KIAA1549: variants seen among roughly 807,000 people sequenced by gnomAD.
KIAA1549 encodes UPF0606 protein KIAA1549.
In KIAA1549, 70 loss-of-function variants were observed where a neutral mutation model predicts 156.4. That is an observed-to-expected ratio of 0.45 (90% CI 0.37 to 0.55). The LOEUF is 0.55. Ranked by LOEUF, KIAA1549 falls within the 20% of genes least tolerant of loss-of-function variation. The pLI is 0.00. For synonymous variants in KIAA1549, 1,103 were observed against 1,066.4 expected (o/e 1.03, Z -0.67); for missense variants, 2,428 against 2,540.9 (o/e 0.96, Z 0.96).
At chr7:138,875,584 G>A (rs919991841) in intron 12 of KIAA1549, among the ~76,000 whole-genome samples, 6 of 152,168 alleles carry the variant, frequency 3.9e-5, no homozygotes, top group Non-Finnish European at 7.3e-5. Flanking sequence ...GGTCAAGGCT[G>A]CAGTGAGCTG....
intron 1 of KIAA1549, among the ~76,000 whole-genome samples, chr7:138,952,204 G>A (rs927201847): frequency 1.3e-5 from 2 of 152,184 alleles, no homozygotes; most frequent in South Asian, 4.1e-4. Context: ...AACTTCCCAG[G>A]TGATTATAAT....
intron 5 of KIAA1549, among the ~76,000 whole-genome samples, chr7:138,907,898 C>A (rs1812051981): frequency 1.3e-5 from 2 of 152,130 alleles, no homozygotes; most frequent in African/African-American, 4.8e-5. Context: ...GAGACACACA[C>A]TAAAGTGCCC....
At chr7:138,935,278 T>C (rs2130511785) in intron 1 of KIAA1549, among the ~76,000 whole-genome samples, 1 of 152,370 alleles carries the variant, frequency 6.6e-6, no homozygotes, top group African/African-American at 2.4e-5. Flanking sequence ...CTTTCTCATT[T>C]GAGGAGCTAA....
At chr7:138,855,003 T>C (rs1810343748) in intron 16 of KIAA1549, among the ~76,000 whole-genome samples, 1 of 152,104 alleles carries the variant, frequency 6.6e-6, no homozygotes, top group African/African-American at 2.4e-5. Flanking sequence ...AAACGAAGAT[T>C]CTGGCAGCAC....
chr7:138,921,505 T>C (rs140317441), intron 1 of KIAA1549, among the ~76,000 whole-genome samples: 1 of 151,976 alleles, frequency 6.6e-6, no homozygotes, highest in East Asian at 1.9e-4. Context: ...GTAGATGTAA[T>C]TAGCTGAGAT....
chr7:138,905,627 C>T (rs1371243170), intron 6 of KIAA1549, among the ~76,000 whole-genome samples: 3 of 152,024 alleles, frequency 2.0e-5, no homozygotes, highest in East Asian at 1.9e-4. Context: ...AAATACACTA[C>T]GAATCATTAG....
intron 1 of KIAA1549, among the ~76,000 whole-genome samples, chr7:138,923,154 G>A (rs1200588529): frequency 6.6e-6 from 1 of 152,196 alleles, no homozygotes; most frequent in African/African-American, 2.4e-5. Context: ...CATCTCAGAG[G>A]TGAATAACCA....
chr7:138,898,933 C>T (rs753120755), intron 9 of KIAA1549, 22 bp downstream of exon 9: 3 of 1,612,540 alleles, frequency 1.9e-6, no homozygotes, highest in African/African-American at 2.7e-5. Flanking sequence ...ACAGCACAGA[C>T]GACAACACCT....
chr7:138,939,920 G>C (rs1177985866), intron 1 of KIAA1549, among the ~76,000 whole-genome samples: 1 of 152,132 alleles, frequency 6.6e-6, no homozygotes, highest in Non-Finnish European at 1.5e-5. Flanking sequence ...GCCCAAGCAG[G>C]AGGACTGCTT....
Position 138,918,780 on chromosome 7 carries a change from A to G in KIAA1549, c.846T>C (p.Phe282=). The change falls in exon 2 of 20, where the codon TTT becomes TTC. Residue 282 remains phenylalanine, a synonymous_variant. Transcript: ENST00000422774. This position sits in a 1 kb window ranked among gnomAD's most constrained non-coding sequence, Gnocchi z 4.2. ...GTGGCATTAAAGACCGGGAGCTTAA[A>G]AAAAGGGTGGTTTCCACACCCTCTG... ...SLTEGVETTL[F]LSSRSLMPQP... is the part of the protein sequence containing the mutation. 1 of 1,613,958 alleles carries G rather than the reference A, an allele frequency of 6.2e-7. No homozygotes were observed. Among genetic ancestry groups the G allele is most frequent in the Non-Finnish European group, 8.5e-7 (1 of 1,179,882 alleles).
chr7:138,943,758 C>T (rs191716020), intron 1 of KIAA1549, among the ~76,000 whole-genome samples: 1 of 151,522 alleles, frequency 6.6e-6, no homozygotes, highest in Non-Finnish European at 1.5e-5. Flanking sequence ...CTGAGGCAGG[C>T]GAATGGCGTG....
chr7:138,943,950 A>G (rs564769482), intron 1 of KIAA1549, among the ~76,000 whole-genome samples: 93 of 150,784 alleles, frequency 6.2e-4, no homozygotes, highest in African/African-American at 2.1e-3. Context: ...TTTTTTTAAT[A>G]GAGACAGGGT....
intron 1 of KIAA1549, among the ~76,000 whole-genome samples, chr7:138,969,110 T>A (rs1299075667): frequency 6.6e-6 from 1 of 152,162 alleles, no homozygotes; most frequent in East Asian, 1.9e-4. Flanking sequence ...GGCTCCAGTG[T>A]CTGTTGACTC....
At position 138,869,552 on chromosome 7, in the gene KIAA1549, T is replaced by A. The variant is rs1460623352; in HGVS notation, c.4761A>T (p.Ile1587=). ...CCCCAGCCCACCTCTTCCTGGGCTC[T>A]ATGAACACGGAGGGCACGCTGGCCG... ...DPTASVPSVF[I]EPRKSSRIKR... Residue 1587 remains isoleucine, a synonymous_variant, in exon 14 of 20, where the codon ATA becomes ATT. Coordinates refer to ENST00000422774, the MANE Select transcript of KIAA1549 (RefSeq NM_001164665.2). 6.4e-7 allele frequency: 1 copy of A among 1,571,596 alleles called. No individual in the cohort carries two copies. Among genetic ancestry groups the A allele is most frequent in the African/African-American group, 1.4e-5 (1 of 73,980 alleles).
intron 11 of KIAA1549, 37 bp from the exon 12 acceptor site, chr7:138,879,690 A>G (rs1319006158): frequency 1.5e-6 from 2 of 1,302,666 alleles, no homozygotes; most frequent in Non-Finnish European, 1.1e-6. Flanking sequence ...ATTAGAAACA[A>G]GAAAGAATGA....
chr7:138,919,580 G>T, intron 1 of KIAA1549, 142 bp from the exon 2 acceptor site: 1 of 1,381,620 alleles, frequency 7.2e-7, no homozygotes, highest in Non-Finnish European at 9.7e-7. Flanking sequence ...AAGTTAAACA[G>T]CTAGCTGGAA....
At chr7:138,899,993 A>G (rs751693394) in intron 8 of KIAA1549, among the ~76,000 whole-genome samples, 2 of 152,204 alleles carry the variant, frequency 1.3e-5, no homozygotes, top group Non-Finnish European at 2.9e-5. Context: ...CAAAACTCTG[A>G]GCTTCTGTCC....
intron 1 of KIAA1549, among the ~76,000 whole-genome samples, chr7:138,963,046 G>A (rs1344630657): frequency 6.6e-6 from 1 of 152,206 alleles, no homozygotes; most frequent in Non-Finnish European, 1.5e-5. Context: ...GGCTGTGACT[G>A]ACTGCCGTAT....
rs965650370 is a variant in KIAA1549 at position 138,907,113 on chromosome 7, A to T, written c.3277-11T>A. On this transcript the variant is annotated splice_polypyrimidine_tract_variant and intron_variant, in intron 5 of 19. Coordinates refer to ENST00000422774, the MANE Select transcript of KIAA1549 (RefSeq NM_001164665.2). ...GGTGATATTCAAGATCTGAAAGAATAAAGTCAGAATAAGCTTCTATAATAA... is the reference window on the plus strand; with the variant it reads ...GGTGATATTCAAGATCTGAAAGAATTAAGTCAGAATAAGCTTCTATAATAA... 3 of 1,564,540 alleles carry T rather than the reference A, an allele frequency of 1.9e-6. No homozygotes were observed. Among genetic ancestry groups the T allele is most frequent in the Admixed American group, 2.0e-5 (1 of 50,570 alleles).
Sources: allele counts gnomAD v4.1 joint callset (sites outside exome capture counted in the v4.1 genomes callset), GRCh38; gene constraint gnomAD v4.1.1; non-coding constraint Gnocchi (gnomAD v3.1); transcripts MANE v1.5; gene names NCBI Gene and HGNC (gene_info 2026-07-23, HGNC 2026-07-21).